GBX2: variants seen among roughly 807,000 people sequenced by gnomAD.
GBX2 encodes the protein homeobox protein GBX-2.
A neutral mutation model predicts 22.4 loss-of-function variants in GBX2; 5 were observed. That is an observed-to-expected ratio of 0.22 (90% CI 0.12 to 0.47). GBX2 has a LOEUF of 0.47. Ranked by LOEUF, GBX2 falls within the 20% of genes least tolerant of loss-of-function variation. GBX2 has a pLI of 0.99. For missense variants in GBX2, 470 were observed against 495.4 expected (o/e 0.95, Z 0.49); for synonymous variants, 220 against 230.5 (o/e 0.95, Z 0.41).
In GBX2 at chr2:236,168,000, G is replaced by A. The variant is rs756848659; in HGVS notation, c.-29C>T. The A allele has an allele frequency of 1.2e-5, 18 of 1,498,130 alleles. No individual in the cohort carries two copies. The highest frequency in any genetic ancestry group is 1.6e-5 in the Non-Finnish European group (18 of 1,127,306). The allele number at this position is 1,498,130 out of a possible 1,614,324, so 92.8% of individuals were successfully genotyped here. On this transcript the variant is annotated 5_prime_UTR_variant, in exon 1 of 2. Transcript: ENST00000306318. ...CGCGCTCGGTAGAGGCCAGCGAGAG[G>A]CGAAAAGTCCCCGCGCCGCGCCGCC...
chr2:236,167,159 G>C (rs1352702910), intron 1 of GBX2: 9 of 1,535,520 alleles, frequency 5.9e-6, no homozygotes, highest in Non-Finnish European at 7.8e-6. Flanking sequence ...GGTCACCGCG[G>C]AGCGGCAGAG....
chr2:236,165,833 A>T lies in GBX2; in HGVS notation c.*81T>A. Reference sequence around the variant, plus strand: ...GCTGGGCTGTGACTTTGTTGCTTCAAACACAGTGGAGTCCACCATGGGTTC... The same window carrying T: ...GCTGGGCTGTGACTTTGTTGCTTCATACACAGTGGAGTCCACCATGGGTTC... On this transcript the variant is annotated 3_prime_UTR_variant, in exon 2 of 2. Transcript: ENST00000306318. 8.7e-7 allele frequency: 1 copy of T among 1,152,090 alleles called. No individual in the cohort carries two copies. Among genetic ancestry groups the T allele is most frequent in the East Asian group, 2.4e-5 (1 of 42,442 alleles). 71.4% of individuals were successfully genotyped at this position (1,152,090 alleles called of 1,614,324 possible). A position where few individuals can be genotyped will look rare whatever the true frequency, so the allele number is the denominator to read the frequency against.
downstream of GBX2, among the ~76,000 whole-genome samples, chr2:236,163,888 C>A (rs1355324316): frequency 3.3e-5 from 5 of 152,144 alleles, no homozygotes; most frequent in African/African-American, 1.2e-4. Flanking sequence ...CCCCTCCCTG[C>A]CAGGCTTCAT....
Position 236,166,436 on chromosome 2 carries a change from G to A in GBX2, c.525C>T (p.Val175=). The A allele has an allele frequency of 6.2e-7, 1 of 1,604,506 alleles. No individual in the cohort carries two copies. The highest frequency in any genetic ancestry group is 8.5e-7 in the Non-Finnish European group (1 of 1,172,958). Reference sequence around the variant, plus strand: ...CTTTCCCTTGCCCTCGGACAGCCCCGACTGAAAGCAAAACCAAACGGCATT... The same window carrying A: ...CTTTCCCTTGCCCTCGGACAGCCCCAACTGAAAGCAAAACCAAACGGCATT... ...SAAETVQASL[V]GAVRGQGKDE... Residue 175 remains valine (V), a splice_region_variant and synonymous_variant, in exon 2 of 2, where the codon GTC becomes GTT. Transcript: ENST00000306318. The surrounding 1 kb of genome is among the most constrained non-coding windows in gnomAD (Gnocchi z 6.6).
At position 236,165,674 on chromosome 2, in the gene GBX2, G is replaced by C; in HGVS notation, c.*240C>G. On this transcript the variant is annotated 3_prime_UTR_variant, in exon 2 of 2. Coordinates refer to ENST00000306318, the MANE Select transcript of GBX2 (RefSeq NM_001485.4). The stretch of plus-strand genomic sequence containing the variant: ...TACTGCAGCTGAGATCCAGTCTATA[G>C]AGATATTTATGTACAAAGTAGGATA... 3 of 513,056 alleles carry C rather than the reference G, an allele frequency of 5.8e-6. No homozygotes were observed. Among genetic ancestry groups the C allele is most frequent in the South Asian group, 6.6e-5 (2 of 30,250 alleles). The allele number at this position is 513,056 out of a possible 1,614,324, so 31.8% of individuals were successfully genotyped here. A position where few individuals can be genotyped will look rare whatever the true frequency, so the allele number is the denominator to read the frequency against.
Position 236,165,869 on chromosome 2 carries a change from G to A in GBX2, c.*45C>T, listed in dbSNP as rs376885749. On this transcript the variant is annotated 3_prime_UTR_variant, in exon 2 of 2. Coordinates refer to ENST00000306318, the MANE Select transcript of GBX2 (RefSeq NM_001485.4). ...GTCCACCATGGGTTCCCTCGGGTGC[G>A]GGGGCTTCTCCAGGTGGGTGCCAGG... 224 of 1,491,852 alleles carry A rather than the reference G, an allele frequency of 1.5e-4. 1 individual carries two copies. In the African/African-American group the frequency reaches 2.2e-3, roughly 14 times the overall value. The allele number at this position is 1,491,852 out of a possible 1,614,324, so 92.4% of individuals were successfully genotyped here. A position where few individuals can be genotyped will look rare whatever the true frequency, so the allele number is the denominator to read the frequency against.
Position 236,165,808 on chromosome 2 carries a change from G to T in GBX2, c.*106C>A. On this transcript the variant is annotated 3_prime_UTR_variant, in exon 2 of 2. Coordinates refer to ENST00000306318, the MANE Select transcript of GBX2 (RefSeq NM_001485.4). ...TCTCAATTTGCTTGGGATGGCCACA[G>T]CTGGGCTGTGACTTTGTTGCTTCAA... 1 of 913,982 alleles carries T rather than the reference G, an allele frequency of 1.1e-6. No homozygotes were observed. The highest frequency in any genetic ancestry group is 1.7e-6 in the Non-Finnish European group (1 of 590,118). The allele number at this position is 913,982 out of a possible 1,614,324, so 56.6% of individuals were successfully genotyped here.
chr2:236,164,455 C>A (rs1365222018), downstream of GBX2, among the ~76,000 whole-genome samples: 1 of 152,198 alleles, frequency 6.6e-6, no homozygotes, highest in Non-Finnish European at 1.5e-5. Context: ...GCTCTGAGCG[C>A]AGGGCCGGGG....
downstream of GBX2, among the ~76,000 whole-genome samples, chr2:236,164,660 G>A (rs780587410): frequency 2.0e-5 from 3 of 152,154 alleles, no homozygotes; most frequent in African/African-American, 7.2e-5. Flanking sequence ...CCGCCCGGAG[G>A]GGGAGGTGCC....
Position 236,165,869 on chromosome 2 carries a change from G to C in GBX2, c.*45C>G. On this transcript the variant is annotated 3_prime_UTR_variant, in exon 2 of 2. Transcript: ENST00000306318. ...GTCCACCATGGGTTCCCTCGGGTGCGGGGGCTTCTCCAGGTGGGTGCCAGG... is the reference window on the plus strand; with the variant it reads ...GTCCACCATGGGTTCCCTCGGGTGCCGGGGCTTCTCCAGGTGGGTGCCAGG... The C allele has an allele frequency of 6.7e-7, 1 of 1,491,854 alleles. No individual in the cohort carries two copies. The highest frequency in any genetic ancestry group is 1.3e-5 in the South Asian group (1 of 79,808). 92.4% of individuals were successfully genotyped at this position (1,491,854 alleles called of 1,614,324 possible).
At chr2:236,161,451 T>C (rs1037343284), downstream of GBX2, among the ~76,000 whole-genome samples, 1 of 152,236 alleles carries the variant, frequency 6.6e-6, no homozygotes, top group Admixed American at 6.5e-5. Flanking sequence ...TTTGCATTCA[T>C]GTTTGGTTAC....
chr2:236,165,852 TG>T lies in GBX2; in HGVS notation c.*61del. On this transcript the variant is annotated 3_prime_UTR_variant, in exon 2 of 2. Transcript: ENST00000306318. ...GCTTCAAACACAGTGGAGTCCACCA[TG>T]GGTTCCCTCGGGTGCGGGGGCTTCT... The T allele has an allele frequency of 7.4e-7, 1 of 1,347,418 alleles. No individual in the cohort carries two copies. The allele number at this position is 1,347,418 out of a possible 1,614,324, so 83.5% of individuals were successfully genotyped here.
At position 236,168,267 on chromosome 2, in the gene GBX2, C is replaced by G; in HGVS notation, c.-296G>C. ...GAGCCCGCGCGCTTCGCGGGTTTGG[C>G]CCTCGGCCCCGGTAAGCTGCCGTCC... is the stretch of plus-strand genomic sequence containing the variant. On this transcript the variant is annotated 5_prime_UTR_variant, in exon 1 of 2. Coordinates refer to ENST00000306318, the MANE Select transcript of GBX2 (RefSeq NM_001485.4). 5.1e-6 allele frequency: 1 copy of G among 195,710 alleles called. No individual in the cohort carries two copies. The highest frequency in any genetic ancestry group is 1.2e-4 in the East Asian group (1 of 8,110). The allele number at this position is 195,710 out of a possible 1,614,324, so 12.1% of individuals were successfully genotyped here. A position where few individuals can be genotyped will look rare whatever the true frequency, so the allele number is the denominator to read the frequency against.
At chr2:236,167,052 G>A in intron 1 of GBX2, 1 of 1,148,508 alleles carries the variant, frequency 8.7e-7, no homozygotes, top group Non-Finnish European at 1.3e-6. Context: ...GACCAGCGAA[G>A]GGGTTTAAAA....
rs894311753 is a variant in GBX2 at position 236,168,114 on chromosome 2, C to T, written c.-143G>A. On this transcript the variant is annotated 5_prime_UTR_variant, in exon 1 of 2. The change abolishes the stop of an existing upstream ORF in the 5' untranslated region. Coordinates refer to ENST00000306318, the MANE Select transcript of GBX2 (RefSeq NM_001485.4). ...CCGGAGAGCAGACGCCTCCGCCCCT[C>T]AGTCCTGGGCCCGCTGCATGCCGGG... 17 of 846,652 alleles carry T rather than the reference C, an allele frequency of 2.0e-5. No individual in the cohort carries two copies. In the African/African-American group the frequency reaches 2.9e-4, roughly 14 times the overall value. 52.4% of individuals were successfully genotyped at this position (846,652 alleles called of 1,614,324 possible). A position where few individuals can be genotyped will look rare whatever the true frequency, so the allele number is the denominator to read the frequency against.
Position 236,168,208 on chromosome 2 carries a change from C to A in GBX2, c.-237G>T. 1 of 282,502 alleles carries A rather than the reference C, an allele frequency of 3.5e-6. No individual in the cohort carries two copies. Among genetic ancestry groups the A allele is most frequent in the Non-Finnish European group, 6.4e-6 (1 of 155,232 alleles). The allele number at this position is 282,502 out of a possible 1,614,324, so 17.5% of individuals were successfully genotyped here. A position where few individuals can be genotyped will look rare whatever the true frequency, so the allele number is the denominator to read the frequency against. On this transcript the variant is annotated 5_prime_UTR_variant, in exon 1 of 2. Transcript: ENST00000306318. ...GGAGAGGGCGCCCGGGCCCCGAGGG[C>A]TCGCCGGAGCCCCCGTCCGCCGCTT...
At chr2:236,163,282 C>T (rs1212531096), downstream of GBX2, among the ~76,000 whole-genome samples, 4 of 148,174 alleles carry the variant, frequency 2.7e-5, no homozygotes, top group African/African-American at 1.1e-4. Flanking sequence ...GGGAGGGGGT[C>T]AGCGCCCCGA....
chr2:236,166,069 G>C lies in GBX2; in HGVS notation c.892C>G (p.Arg298Gly). Residue 298 changes from arginine to glycine, a missense_variant, in exon 2 of 2, where the codon CGA (arginine) becomes GGA (glycine). Physicochemically the swap from Arg to Gly is moderately radical, Grantham distance 125 (BLOSUM62 -2). Coordinates refer to ENST00000306318, the MANE Select transcript of GBX2 (RefSeq NM_001485.4). This position sits in a 1 kb window ranked among gnomAD's most constrained non-coding sequence, Gnocchi z 6.6. ...EVQVKIWFQN[R>G]RAKWKRVKAG... The stretch of plus-strand genomic sequence containing the variant: ...TTCACCCGTTTCCACTTGGCCCGTC[G>C]GTTCTGGAACCAGATTTTCACCTGC... 1 of 1,614,218 alleles carries C rather than the reference G, an allele frequency of 6.2e-7. No homozygotes were observed. Among genetic ancestry groups the C allele is most frequent in the Non-Finnish European group, 8.5e-7 (1 of 1,180,040 alleles).
rs1016732746 is a variant in GBX2, at chr2:236,166,803, G to C, written c.524-366C>G. ...CTGGGGTGGGGACTGGTTGAGGACT[G>C]ATGGGGGGATTCACGATTCATCCTC... On this transcript the variant is annotated intron_variant, in intron 1 of 1. Transcript: ENST00000306318. This position sits in a 1 kb window ranked among gnomAD's most constrained non-coding sequence, Gnocchi z 6.6. Among the ~76,000 whole-genome samples, 6 of 152,262 alleles carry C rather than the reference G, an allele frequency of 3.9e-5. No homozygotes were observed. The highest frequency in any genetic ancestry group is 7.2e-5 in the African/African-American group (3 of 41,554).
Sources: gnomAD v4.1 joint callset for allele counts (sites outside exome capture counted in the v4.1 genomes callset) on GRCh38, gnomAD v4.1.1 for gene constraint, Gnocchi (gnomAD v3.1) non-coding constraint, MANE v1.5 for transcripts, NCBI Gene and HGNC (gene_info 2026-07-23, HGNC 2026-07-21) for gene names.